Variants in TXNDC16 observed in about 807,000 individuals in gnomAD.
TXNDC16 encodes the protein thioredoxin domain-containing protein 16.
In TXNDC16, 74 loss-of-function variants were observed where a neutral mutation model predicts 85.6. The ratio of observed to expected loss-of-function variants is 0.86; its 90% CI spans 0.72 to 1.05. The LOEUF (loss-of-function observed/expected upper bound fraction) is 1.05. Among genes scored for constraint, TXNDC16 ranks in the 50% least tolerant of loss-of-function variants. The pLI is 0.00. For missense variants in TXNDC16, 959 were observed against 947.0 expected (o/e 1.01, Z -0.17); for synonymous variants, 335 against 326.5 (o/e 1.03, Z -0.28).
At chr14:52,503,546 G>C (rs975924987) in intron 9 of TXNDC16, among the ~76,000 whole-genome samples, 1 of 152,048 alleles carries the variant, frequency 6.6e-6, no homozygotes, top group African/African-American at 2.4e-5. Context: ...CAAACAAAAA[G>C]GACATCCACA....
chr14:52,459,212 C>T (rs190093524), intron 16 of TXNDC16, among the ~76,000 whole-genome samples: 168 of 152,252 alleles, frequency 1.1e-3, no homozygotes, highest in Admixed American at 6.0e-3. Context: ...GACACACACA[C>T]ATACATACAT....
intron 9 of TXNDC16, among the ~76,000 whole-genome samples, chr14:52,508,727 T>G (rs1173774594): frequency 6.6e-6 from 1 of 152,170 alleles, no homozygotes; most frequent in Non-Finnish European, 1.5e-5. Context: ...CATGGAATAC[T>G]ATGCAGCCTT....
intron 6 of TXNDC16, among the ~76,000 whole-genome samples, chr14:52,530,293 TATATAATATTAA>T (rs2037487206): frequency 1.6e-5 from 1 of 63,596 alleles, no homozygotes; most frequent in African/African-American, 6.6e-5. Flanking sequence ...ATAATTATTA[TATATAATATTAA>T]TATATAATAT....
chr14:52,499,524 G>A (rs566932607), intron 9 of TXNDC16, among the ~76,000 whole-genome samples: 17 of 149,726 alleles, frequency 1.1e-4, no homozygotes, highest in Admixed American at 2.0e-4. Flanking sequence ...CATATGAGAC[G>A]ATACTCAACA....
At chr14:52,543,652 A>G in intron 2 of TXNDC16, 22 bp from the exon 3 acceptor site, 3 of 1,389,406 alleles carry the variant, frequency 2.2e-6, no homozygotes, top group Non-Finnish European at 2.9e-6. Flanking sequence ...AAGGTATTCA[A>G]CAAGAGTTTG....
At chr14:52,466,048 C>T (rs1045968476) in intron 16 of TXNDC16, among the ~76,000 whole-genome samples, 1 of 151,462 alleles carries the variant, frequency 6.6e-6, no homozygotes, top group Non-Finnish European at 1.5e-5. Flanking sequence ...TGAAAAAGTT[C>T]ATAATAAAAT....
At chr14:52,489,990 C>T (rs1459302461) in intron 11 of TXNDC16, among the ~76,000 whole-genome samples, 1 of 152,082 alleles carries the variant, frequency 6.6e-6, no homozygotes, top group Non-Finnish European at 1.5e-5. Context: ...GCATGCACCA[C>T]CACACCCAGC....
chr14:52,485,793 G>T (rs765920249), intron 12 of TXNDC16, among the ~76,000 whole-genome samples: 1 of 152,144 alleles, frequency 6.6e-6, no homozygotes, highest in Admixed American at 6.6e-5. Context: ...TTGTGTAAGT[G>T]AACTTTATGA....
Position 52,532,733 on chromosome 14 carries a change from G to C in TXNDC16, c.392+3986C>G, listed in dbSNP as rs77898473. 4.9e-3 allele frequency among the ~76,000 whole-genome samples: 740 copies of C among 152,080 alleles called. 14 individuals carry two copies. Among genetic ancestry groups the C allele is most frequent in the Admixed American group, 0.039 (601 of 15,268 alleles). ...TTACAGGCGTGAGCCACCGCACCCA[G>C]CCAGTTCAAATCTATTTTTATGAGT... On this transcript the variant is annotated intron_variant, in intron 6 of 20. Coordinates refer to ENST00000281741, the MANE Select transcript of TXNDC16 (RefSeq NM_020784.3).
chr14:52,475,725 T>C (rs1462942502), intron 14 of TXNDC16, among the ~76,000 whole-genome samples: 1 of 152,140 alleles, frequency 6.6e-6, no homozygotes, highest in Admixed American at 6.5e-5. Flanking sequence ...CTAATGGTCC[T>C]TCACTACCCA....
At chr14:52,474,269 G>A (rs1325832555) in intron 14 of TXNDC16, among the ~76,000 whole-genome samples, 2 of 152,152 alleles carry the variant, frequency 1.3e-5, no homozygotes, top group African/African-American at 4.8e-5. Context: ...TATTCTTGAG[G>A]AACATTATCC....
chr14:52,528,214 G>T (rs551921142), intron 6 of TXNDC16, among the ~76,000 whole-genome samples: 1 of 152,168 alleles, frequency 6.6e-6, no homozygotes, highest in African/African-American at 2.4e-5. Flanking sequence ...GTAGGTCACT[G>T]GTCTCAAGCA....
intron 17 of TXNDC16, among the ~76,000 whole-genome samples, chr14:52,455,968 A>G (rs1433004693): frequency 6.6e-6 from 1 of 152,188 alleles, no homozygotes; most frequent in African/African-American, 2.4e-5. Context: ...ACAGACTTCA[A>G]ATGAGGTGTC....
intron 20 of TXNDC16, among the ~76,000 whole-genome samples, chr14:52,434,989 G>C (rs1442038220): frequency 6.6e-6 from 1 of 152,204 alleles, no homozygotes; most frequent in Non-Finnish European, 1.5e-5. Flanking sequence ...CTGGGTAATG[G>C]TTTGAGCTGA....
intron 18 of TXNDC16, among the ~76,000 whole-genome samples, chr14:52,447,593 A>G (rs994805485): frequency 8.5e-5 from 13 of 152,144 alleles, no homozygotes; most frequent in African/African-American, 3.1e-4. Context: ...TTTGTTTGGG[A>G]GAAAGTAAGA....
chr14:52,461,107 C>T (rs1236910669), intron 16 of TXNDC16, among the ~76,000 whole-genome samples: 2 of 151,256 alleles, frequency 1.3e-5, no homozygotes, highest in Non-Finnish European at 3.0e-5. Context: ...TTTTTTCTCA[C>T]ATTTTTATGC....
intron 9 of TXNDC16, among the ~76,000 whole-genome samples, chr14:52,498,234 G>A (rs1475864934): frequency 6.6e-6 from 1 of 152,096 alleles, no homozygotes; most frequent in East Asian, 1.9e-4. Flanking sequence ...CTAAGACCAT[G>A]AACAAGTCAA....
chr14:52,488,787 T>C (rs974390752), intron 11 of TXNDC16, among the ~76,000 whole-genome samples: 1 of 136,594 alleles, frequency 7.3e-6, no homozygotes, highest in Non-Finnish European at 1.5e-5. Context: ...TGAGGCAAGA[T>C]TGCACCACCA....
At chr14:52,521,641 A>T (rs992747668) in intron 6 of TXNDC16, among the ~76,000 whole-genome samples, 3 of 152,192 alleles carry the variant, frequency 2.0e-5, no homozygotes, top group African/African-American at 7.2e-5. Flanking sequence ...GTCCTAAATT[A>T]TGCTGGCTTA....
Sources: allele counts gnomAD v4.1 joint callset (sites outside exome capture counted in the v4.1 genomes callset), GRCh38; gene constraint gnomAD v4.1.1; transcripts MANE v1.5; gene names NCBI Gene and HGNC (gene_info 2026-07-23, HGNC 2026-07-21).